STK32B: variants seen among roughly 807,000 people sequenced by gnomAD.
STK32B encodes the protein serine/threonine kinase 32B.
A neutral mutation model predicts 52.6 loss-of-function variants in STK32B; 43 were observed. The observed-to-expected ratio is 0.82, with a 90% CI of 0.64 to 1.05. The LOEUF (loss-of-function observed/expected upper bound fraction) is 1.05, where lower values mean the gene tolerates loss of function less well. Among genes scored for constraint, STK32B ranks in the 50% least tolerant of loss-of-function variants. The pLI is 0.00. For synonymous variants in STK32B, 238 were observed against 204.3 expected (o/e 1.17, Z -1.41); for missense variants, 621 against 534.6 (o/e 1.16, Z -1.59).
At chr4:5,412,105 A>G (rs1489289314) in intron 5 of STK32B, among the ~76,000 whole-genome samples, 1 of 152,170 alleles carries the variant, frequency 6.6e-6, no homozygotes, top group Non-Finnish European at 1.5e-5. Context: ...GAAGAGATGC[A>G]TGTCTGGAGT....
At chr4:5,425,632 A>G (rs185847804) in intron 6 of STK32B, among the ~76,000 whole-genome samples, 17 of 152,360 alleles carry the variant, frequency 1.1e-4, no homozygotes, top group Admixed American at 5.9e-4. Flanking sequence ...ACTGATAAAT[A>G]TGGAGTTTGA....
At chr4:5,079,337 T>A (rs901499524) in intron 1 of STK32B, among the ~76,000 whole-genome samples, 12 of 152,316 alleles carry the variant, frequency 7.9e-5, no homozygotes, top group African/African-American at 2.4e-4. Context: ...AAGGAAAATA[T>A]ACAAGGTGAA....
chr4:5,272,558 T>C (rs1464025172), intron 3 of STK32B, among the ~76,000 whole-genome samples: 1 of 151,946 alleles, frequency 6.6e-6, no homozygotes, highest in Non-Finnish European at 1.5e-5. Flanking sequence ...TTCTATTGAT[T>C]GGAATAGTTT....
At chr4:5,163,022 C>T (rs1224754523) in intron 2 of STK32B, among the ~76,000 whole-genome samples, 1 of 152,220 alleles carries the variant, frequency 6.6e-6, no homozygotes, top group African/African-American at 2.4e-5. Context: ...GGACCACTGA[C>T]CTGCTCTGGG....
chr4:5,260,370 C>A (rs550674321), intron 3 of STK32B, among the ~76,000 whole-genome samples: 26 of 152,216 alleles, frequency 1.7e-4, no homozygotes, highest in African/African-American at 6.3e-4. Context: ...GAGATGGGGC[C>A]AGAAGGAGCA....
chr4:5,340,316 G>T (rs1033345760), intron 4 of STK32B, among the ~76,000 whole-genome samples: 1 of 152,226 alleles, frequency 6.6e-6, no homozygotes, highest in Non-Finnish European at 1.5e-5. Flanking sequence ...TGGGGAGTGG[G>T]GCAGGGGCCG....
chr4:5,172,398 G>A (rs1274528730), intron 3 of STK32B, among the ~76,000 whole-genome samples: 1 of 152,006 alleles, frequency 6.6e-6, no homozygotes. Flanking sequence ...GTTTTCAAAG[G>A]GAATGCTTCC....
At chr4:5,059,274 T>C (rs1480224369) in intron 1 of STK32B, among the ~76,000 whole-genome samples, 1 of 152,010 alleles carries the variant, frequency 6.6e-6, no homozygotes, top group Non-Finnish European at 1.5e-5. Flanking sequence ...CTGGTACACC[T>C]ACCCAAACCA....
chr4:5,490,789 G>A (rs1343173263), intron 11 of STK32B, among the ~76,000 whole-genome samples: 1 of 151,932 alleles, frequency 6.6e-6, no homozygotes, highest in African/African-American at 2.4e-5. Context: ...TGTTCTCATT[G>A]TTCAATTCCC....
chr4:5,491,029 A>C (rs1719689261), intron 11 of STK32B, among the ~76,000 whole-genome samples: 1 of 152,234 alleles, frequency 6.6e-6, no homozygotes, highest in African/African-American at 2.4e-5. Context: ...TGCCATAATA[A>C]ACAGACGTGT....
intron 1 of STK32B, among the ~76,000 whole-genome samples, chr4:5,138,568 CTG>C (rs1716217501): frequency 6.6e-6 from 1 of 152,150 alleles, no homozygotes; most frequent in Non-Finnish European, 1.5e-5. Flanking sequence ...TGAACAGTAA[CTG>C]TGTACTAAAC....
intron 1 of STK32B, among the ~76,000 whole-genome samples, chr4:5,105,823 A>G (rs1714076847): frequency 6.6e-6 from 1 of 151,206 alleles, no homozygotes; most frequent in African/African-American, 2.4e-5. Flanking sequence ...TCGGCCACCC[A>G]AAGTGCTGGG....
At chr4:5,392,899 C>T (rs1035470766) in intron 4 of STK32B, among the ~76,000 whole-genome samples, 6 of 152,156 alleles carry the variant, frequency 3.9e-5, no homozygotes, top group African/African-American at 4.8e-5. Flanking sequence ...ACTGAAGCAC[C>T]GTGTTGGGGG....
rs1018142 is a variant in STK32B at position 5,387,153 on chromosome 4, C to G, written c.435-11054C>G. ...CTGTCAGCAGGAAGCGCTCGAGGATCCCAGCCTGGACCAGGGCCTGAGCCC... is the reference window on the plus strand; with the variant it reads ...CTGTCAGCAGGAAGCGCTCGAGGATGCCAGCCTGGACCAGGGCCTGAGCCC... On this transcript the variant is annotated intron_variant, in intron 4 of 11. Coordinates refer to ENST00000282908, the MANE Select transcript of STK32B (RefSeq NM_018401.3). 3.5e-3 allele frequency among the ~76,000 whole-genome samples: 527 copies of G among 152,344 alleles called. 8 individuals are homozygous for G. The highest frequency in any genetic ancestry group is 0.012 in the Admixed American group (191 of 15,310).
At chr4:5,194,829 C>G (rs534240129) in intron 3 of STK32B, among the ~76,000 whole-genome samples, 1 of 152,170 alleles carries the variant, frequency 6.6e-6, no homozygotes, top group South Asian at 2.1e-4. Flanking sequence ...ATGGCAGGAG[C>G]AAGATGAAGG....
chr4:5,321,095 A>G (rs1731457279), intron 3 of STK32B, among the ~76,000 whole-genome samples: 1 of 152,056 alleles, frequency 6.6e-6, no homozygotes, highest in Non-Finnish European at 1.5e-5. Context: ...TTTCAGAGGG[A>G]GGGGGTTGGA....
chr4:5,476,091 G>A (rs892731233), intron 11 of STK32B, among the ~76,000 whole-genome samples: 1 of 151,928 alleles, frequency 6.6e-6, no homozygotes, highest in African/African-American at 2.4e-5. Flanking sequence ...GTAGAGATGG[G>A]GTTTCGCCAC....
At chr4:5,099,360 C>A (rs2108791145) in intron 1 of STK32B, among the ~76,000 whole-genome samples, 1 of 152,120 alleles carries the variant, frequency 6.6e-6, no homozygotes, top group South Asian at 2.1e-4. Context: ...TTCTGCCCAC[C>A]ATAGAGAGAT....
At chr4:5,383,427 A>G (rs1434048787) in intron 4 of STK32B, among the ~76,000 whole-genome samples, 2 of 152,196 alleles carry the variant, frequency 1.3e-5, no homozygotes, top group Admixed American at 1.3e-4. Context: ...GGCTATGCCT[A>G]TGTGCCAGAG....
Sources: allele counts gnomAD v4.1 joint callset (sites outside exome capture counted in the v4.1 genomes callset), GRCh38; gene constraint gnomAD v4.1.1; transcripts MANE v1.5; gene names NCBI Gene and HGNC (gene_info 2026-07-23, HGNC 2026-07-21).